Variants in KCNH8 observed in about 807,000 individuals in gnomAD.
KCNH8 encodes the protein voltage-gated delayed rectifier potassium channel KCNH8.
KCNH8 carries 70 observed loss-of-function variants against 103.6 expected under a neutral mutation model. The observed-to-expected ratio is 0.68, with a 90% CI of 0.56 to 0.82. The LOEUF (loss-of-function observed/expected upper bound fraction) is 0.82. KCNH8 is among the 40% of genes least tolerant of loss of function. The pLI is 0.00. For synonymous variants in KCNH8, 498 were observed against 489.4 expected, an observed-to-expected ratio of 1.02 and a Z score of -0.23; for missense variants, 1,217 against 1,329.9, an observed-to-expected ratio of 0.92 and a Z score of 1.32.
At chr3:19,353,669 G>T (rs1272173123) in intron 5 of KCNH8, among the ~76,000 whole-genome samples, 1 of 152,124 alleles carries the variant, frequency 6.6e-6, no homozygotes, top group Non-Finnish European at 1.5e-5. Flanking sequence ...AAAGGCCTTC[G>T]ACAAAATTCA....
In KCNH8 at chr3:19,395,212, A is replaced by ATGTC; in HGVS notation, c.1079_1082dup (p.Met362ValfsTer37). On this transcript the variant is annotated frameshift_variant, in exon 7 of 16. Coordinates refer to ENST00000328405, the MANE Select transcript of KCNH8 (RefSeq NM_144633.3). LOFTEE classifies it high-confidence loss of function. Reference sequence around the variant, plus strand: ...CAGTACTATCGTCCTGACTCTGCTCATGTCCATGTTTGCACTCCTTGCACA... The same window carrying ATGTC: ...CAGTACTATCGTCCTGACTCTGCTCATGTCTGTCCATGTTTGCACTCCTTGCACA... 1.2e-6 allele frequency: 2 copies of ATGTC among 1,609,384 alleles called. No homozygotes were observed. Among genetic ancestry groups the ATGTC allele is most frequent in the Non-Finnish European group, 1.7e-6 (2 of 1,177,984 alleles).
At chr3:19,477,491 G>A (rs544761172) in intron 11 of KCNH8, among the ~76,000 whole-genome samples, 16 of 151,540 alleles carry the variant, frequency 1.1e-4, no homozygotes, top group African/African-American at 3.9e-4. Context: ...GAAGTTGAAG[G>A]GATATGAGGC....
chr3:19,270,470 T>C (rs527390014), intron 2 of KCNH8, among the ~76,000 whole-genome samples: 2 of 152,320 alleles, frequency 1.3e-5, no homozygotes, highest in South Asian at 4.1e-4. Context: ...AAACGATTTC[T>C]GTCTTAGAGC....
At chr3:19,522,009 CCTTA>C (rs1381861491) in intron 15 of KCNH8, among the ~76,000 whole-genome samples, 1 of 151,850 alleles carries the variant, frequency 6.6e-6, no homozygotes, top group African/African-American at 2.4e-5. Context: ...GTTATTTCAT[CCTTA>C]CTCACCCAAG....
At chr3:19,370,479 T>G (rs1446605457) in intron 5 of KCNH8, among the ~76,000 whole-genome samples, 1 of 152,068 alleles carries the variant, frequency 6.6e-6, no homozygotes, top group African/African-American at 2.4e-5. Flanking sequence ...TTAGGACACA[T>G]TTTATTTTGT....
Position 19,507,791 on chromosome 3 carries a change from T to A in KCNH8, c.2041-2572T>A, listed in dbSNP as rs556873720. Among the ~76,000 whole-genome samples, 13 of 152,244 alleles carry A rather than the reference T, an allele frequency of 8.5e-5. No homozygotes were observed. In the East Asian group the frequency reaches 2.5e-3, roughly 29 times the overall value. ...ACCAGTCCCTTGTCACCACGTACCT[T>A]CTGGAAGCCTGAAGGCAACAGGGAG... On this transcript the variant is annotated intron_variant, in intron 11 of 15. Coordinates refer to ENST00000328405, the MANE Select transcript of KCNH8 (RefSeq NM_144633.3).
chr3:19,419,694 G>A (rs1272453410), intron 7 of KCNH8, among the ~76,000 whole-genome samples: 3 of 151,768 alleles, frequency 2.0e-5, no homozygotes, highest in African/African-American at 7.3e-5. Context: ...ATTCAAGATA[G>A]AAAATATTTA....
chr3:19,204,606 A>C (rs1281943669), intron 1 of KCNH8, among the ~76,000 whole-genome samples: 8 of 151,992 alleles, frequency 5.3e-5, no homozygotes, highest in African/African-American at 1.9e-4. Flanking sequence ...AAAAAATATC[A>C]AGGTTGGGGA....
intron 11 of KCNH8, among the ~76,000 whole-genome samples, chr3:19,474,168 T>A (rs940194415): frequency 6.6e-6 from 1 of 152,176 alleles, no homozygotes; most frequent in Non-Finnish European, 1.5e-5. Context: ...TAAAACTGTC[T>A]ACATGAGCTA....
rs751659809 is a variant in KCNH8 at position 19,513,340 on chromosome 3, CAT to C, written c.2435+19_2435+20del. On this transcript the variant is annotated intron_variant, in intron 13 of 15. Transcript: ENST00000328405. ...CTCAGTCCAAGGTAAGAGTTCATAT[CAT>C]ATAACTTTCTCACGTGAACGTGGCT... 4 of 1,563,160 alleles carry C rather than the reference CAT, an allele frequency of 2.6e-6. No homozygotes were observed. Among genetic ancestry groups the C allele is most frequent in the Middle Eastern group, 1.7e-4 (1 of 5,774 alleles).
At chr3:19,409,157 C>T (rs1490159948) in intron 7 of KCNH8, among the ~76,000 whole-genome samples, 1 of 152,082 alleles carries the variant, frequency 6.6e-6, no homozygotes, top group East Asian at 1.9e-4. Context: ...CCCCATCAAG[C>T]TAACAGCAGA....
chr3:19,200,792 A>G (rs867293411), intron 1 of KCNH8, among the ~76,000 whole-genome samples: 1 of 152,074 alleles, frequency 6.6e-6, no homozygotes, highest in Non-Finnish European at 1.5e-5. Flanking sequence ...TTACTTTTAT[A>G]GTGAGAGTTC....
At chr3:19,169,497 T>C (rs765217253) in intron 1 of KCNH8, among the ~76,000 whole-genome samples, 15 of 152,112 alleles carry the variant, frequency 9.9e-5, no homozygotes, top group Admixed American at 2.6e-4. Flanking sequence ...CTGCCCGCCT[T>C]GGCCTCCCAA....
chr3:19,194,428 G>A (rs1211893112), intron 1 of KCNH8, among the ~76,000 whole-genome samples: 1 of 151,746 alleles, frequency 6.6e-6, no homozygotes, highest in East Asian at 1.9e-4. Flanking sequence ...ATGAGTGACA[G>A]GCTTAACCCA....
intron 8 of KCNH8, among the ~76,000 whole-genome samples, chr3:19,445,211 C>T (rs2125178324): frequency 6.6e-6 from 1 of 151,842 alleles, no homozygotes; most frequent in Middle Eastern, 3.4e-3. Flanking sequence ...AACAGAGAAG[C>T]CAGACGAAAA....
At chr3:19,431,536 G>A (rs958928796) in intron 7 of KCNH8, among the ~76,000 whole-genome samples, 35 of 152,202 alleles carry the variant, frequency 2.3e-4, no homozygotes, top group Middle Eastern at 3.4e-3. Context: ...TGGTTTTTTG[G>A]AATAGTTCAG....
chr3:19,490,271 C>T (rs2068290499), intron 11 of KCNH8, among the ~76,000 whole-genome samples: 1 of 152,172 alleles, frequency 6.6e-6, no homozygotes, highest in African/African-American at 2.4e-5. Context: ...GCTCAGACAC[C>T]GAATTGTAGA....
intron 10 of KCNH8, among the ~76,000 whole-genome samples, chr3:19,455,750 T>A (rs1483027363): frequency 6.6e-6 from 1 of 152,104 alleles, no homozygotes; most frequent in Non-Finnish European, 1.5e-5. Context: ...TGGCAGGATG[T>A]TGGTGCTGTT....
At chr3:19,231,843 T>A (rs1202344234) in intron 1 of KCNH8, among the ~76,000 whole-genome samples, 2 of 152,242 alleles carry the variant, frequency 1.3e-5, no homozygotes, top group African/African-American at 4.8e-5. Context: ...GGAGCTTGTC[T>A]TCATTTGCAA....
Sources: allele counts gnomAD v4.1 joint callset (sites outside exome capture counted in the v4.1 genomes callset), GRCh38; gene constraint gnomAD v4.1.1; transcripts MANE v1.5; gene names NCBI Gene and HGNC (gene_info 2026-07-23, HGNC 2026-07-21).